ADAMTS5: variants seen among roughly 807,000 people sequenced by gnomAD.
ADAMTS5 encodes ADAM metallopeptidase with thrombospondin type 1 motif 5, also known as A disintegrin and metalloproteinase with thrombospondin motifs 5.
In ADAMTS5, 54 loss-of-function variants were observed where a neutral mutation model predicts 81.4. The ratio of observed to expected loss-of-function variants is 0.66; its 90% CI spans 0.53 to 0.83. The LOEUF (loss-of-function observed/expected upper bound fraction) is 0.83. Among genes scored for constraint, ADAMTS5 ranks in the 40% least tolerant of loss-of-function variants. The probability of loss-of-function intolerance (pLI) is 0.00; values close to 1 mark genes in which losing one functional copy is unlikely to be tolerated. For synonymous variants in ADAMTS5, 532 were observed against 508.8 expected, an observed-to-expected ratio of 1.05 and a Z score of -0.61; for missense variants, 1,194 against 1,229.9, an observed-to-expected ratio of 0.97 and a Z score of 0.44.
chr21:26,954,642 C>G, intron 2 of ADAMTS5, 97 bp downstream of exon 2: 10 of 1,528,116 alleles, frequency 6.5e-6, no homozygotes, highest in Non-Finnish European at 8.8e-6. Context: ...ACATCTGAAC[C>G]AGGAGAAATC....
chr21:26,955,600 A>ATTATGTGTT (rs1987410675), intron 1 of ADAMTS5, among the ~76,000 whole-genome samples: 8 of 152,322 alleles, frequency 5.3e-5, no homozygotes, highest in Non-Finnish European at 8.8e-5. Flanking sequence ...ACATGATTCC[A>ATTATGTGTT]CCCCAATAAT....
chr21:26,959,805 T>G (rs1001330614), intron 1 of ADAMTS5, among the ~76,000 whole-genome samples: 2 of 152,168 alleles, frequency 1.3e-5, no homozygotes, highest in Non-Finnish European at 2.9e-5. Flanking sequence ...TTGTCCTCTA[T>G]TTCTCATTTT....
In ADAMTS5 at chr21:26,965,362, A is replaced by T; in HGVS notation, c.1030T>A (p.Trp344Arg). 6.2e-7 allele frequency: 1 copy of T among 1,614,240 alleles called. No homozygotes were observed. Among genetic ancestry groups the T allele is most frequent in the Admixed American group, 1.7e-5 (1 of 60,028 alleles). The change falls in exon 1 of 8, where the codon TGG becomes AGG. Residue 344 changes from tryptophan to arginine, a missense_variant. Transcript: ENST00000284987. ...CCCAGCTGGTTGTGTTGGTGCTGCC[A>T]CTTGCAAAAGTTCTTGAGTGTGGTG... is the stretch of plus-strand genomic sequence containing the variant. Reference protein sequence around the residue: ...AATTLKNFCKWQHQHNQLGDD... With the variant: ...AATTLKNFCKRQHQHNQLGDD...
chr21:26,934,813 A>G, intron 3 of ADAMTS5, 64 bp from the exon 4 acceptor site: 1 of 1,579,304 alleles, frequency 6.3e-7, no homozygotes, highest in South Asian at 1.2e-5. Context: ...AAAATCATGG[A>G]TCTAAAAATG....
In ADAMTS5 at chr21:26,931,985, A is replaced by G. The variant is rs754525885; in HGVS notation, c.2049+19T>C. 3.8e-6 allele frequency: 6 copies of G among 1,596,498 alleles called. No homozygotes were observed. In the Admixed American group the frequency reaches 1.0e-4, roughly 28 times the overall value. Reference sequence around the variant, plus strand: ...CCACCAGTACGCCTACTGCTTCTGGACAGTTGGTGTGTAGTTACCTTTGGA... The same window carrying G: ...CCACCAGTACGCCTACTGCTTCTGGGCAGTTGGTGTGTAGTTACCTTTGGA... On this transcript the variant is annotated intron_variant, in intron 6 of 7. Transcript: ENST00000284987.
chr21:26,948,189 G>A lies in ADAMTS5; in HGVS notation c.1238-4642C>T, dbSNP rs572050603. 2.0e-5 allele frequency among the ~76,000 whole-genome samples: 3 copies of A among 152,306 alleles called. No individual in the cohort carries two copies. In the South Asian group the frequency reaches 6.2e-4, roughly 32 times the overall value. On this transcript the variant is annotated intron_variant, in intron 2 of 7. Coordinates refer to ENST00000284987, the MANE Select transcript of ADAMTS5 (RefSeq NM_007038.5). Reference sequence around the variant, plus strand: ...AAGACACATCACTTTAAAGGAAACTGTTGGTTCAGCTTCTTATTCAACCCA... The same window carrying A: ...AAGACACATCACTTTAAAGGAAACTATTGGTTCAGCTTCTTATTCAACCCA...
rs1986931640 is a variant in ADAMTS5 at position 26,932,586 on chromosome 21, G to A, written c.1873+275C>T. On this transcript the variant is annotated intron_variant, in intron 5 of 7. Coordinates refer to ENST00000284987, the MANE Select transcript of ADAMTS5 (RefSeq NM_007038.5). ...TGTGGTGGTGTGCACCTGTAATCCC[G>A]GCTACTCAGGAAGCTGAGGCAGGAG... 5.9e-5 allele frequency among the ~76,000 whole-genome samples: 9 copies of A among 151,964 alleles called. No individual in the cohort carries two copies. In the South Asian group the frequency reaches 1.7e-3, roughly 28 times the overall value.
At chr21:26,953,834 C>G (rs949492901) in intron 2 of ADAMTS5, 2 of 153,452 alleles carry the variant, frequency 1.3e-5, no homozygotes, top group African/African-American at 4.8e-5. Context: ...CAATATATTC[C>G]CCAAAATAAT....
intron 1 of ADAMTS5, among the ~76,000 whole-genome samples, chr21:26,956,004 T>C (rs1474580217): frequency 6.6e-6 from 1 of 152,198 alleles, no homozygotes; most frequent in Non-Finnish European, 1.5e-5. Context: ...GCTTATATAG[T>C]AGGAACTCAG....
In ADAMTS5 at chr21:26,918,843, G is replaced by GGAATGCTGAGGACTTAGT. The variant is rs1256293523; in HGVS notation, c.*5192_*5209dup. The GGAATGCTGAGGACTTAGT allele has an allele frequency of 1.3e-5, 2 of 151,148 alleles. No homozygotes were observed. Among genetic ancestry groups the GGAATGCTGAGGACTTAGT allele is most frequent in the Admixed American group, 6.6e-5 (1 of 15,144 alleles). 9.4% of individuals were successfully genotyped at this position (151,148 alleles called of 1,614,324 possible). On this transcript the variant is annotated 3_prime_UTR_variant, in exon 8 of 8. Transcript: ENST00000284987. The stretch of plus-strand genomic sequence containing the variant: ...GCCAAATATACACGACAGTTTGAAT[G>GGAATGCTGAGGACTTAGT]GAATGCTGAGGACTTAGTGAATGCT...
intron 3 of ADAMTS5, 35 bp downstream of exon 3, chr21:26,943,345 G>C (rs775003146): frequency 7.6e-6 from 12 of 1,573,070 alleles, no homozygotes; most frequent in Non-Finnish European, 1.0e-5. Context: ...CCCAAATTTT[G>C]TTTCTCAGTC....
chr21:26,925,214 G>C (rs2061252097), intron 7 of ADAMTS5, among the ~76,000 whole-genome samples: 1 of 152,124 alleles, frequency 6.6e-6, no homozygotes, highest in African/African-American at 2.4e-5. Context: ...TGGGAACACA[G>C]AATTAATTAG....
intron 2 of ADAMTS5, among the ~76,000 whole-genome samples, chr21:26,951,472 A>T (rs1403680529): frequency 6.6e-6 from 1 of 151,950 alleles, no homozygotes; most frequent in Non-Finnish European, 1.5e-5. Flanking sequence ...AAAGTCACAA[A>T]TGTCTAGTAA....
Position 26,921,455 on chromosome 21 carries a change from T to C in ADAMTS5, c.*2598A>G, listed in dbSNP as rs545864734. On this transcript the variant is annotated 3_prime_UTR_variant, in exon 8 of 8. Transcript: ENST00000284987. ...CATTTTCAGACGAATTCTTTTTTTT[T>C]TTTTTTTTTAAAGAAGTAGCCCCTA... 1.4e-4 allele frequency: 21 copies of C among 151,720 alleles called. No individual in the cohort carries two copies. In the East Asian group the frequency reaches 4.1e-3, roughly 29 times the overall value. 9.4% of individuals were successfully genotyped at this position (151,720 alleles called of 1,614,324 possible).
At chr21:26,961,334 A>G (rs1213309736) in intron 1 of ADAMTS5, among the ~76,000 whole-genome samples, 1 of 152,248 alleles carries the variant, frequency 6.6e-6, no homozygotes, top group African/African-American at 2.4e-5. Context: ...AATCCAATCT[A>G]TCCATCCTTT....
intron 2 of ADAMTS5, among the ~76,000 whole-genome samples, chr21:26,945,468 C>T (rs1987197843): frequency 6.6e-6 from 1 of 152,124 alleles, no homozygotes; most frequent in African/African-American, 2.4e-5. Context: ...GCCTTTTCCT[C>T]CAAATCTATA....
intron 3 of ADAMTS5, among the ~76,000 whole-genome samples, chr21:26,936,289 T>C (rs1265696281): frequency 6.6e-6 from 1 of 152,198 alleles, no homozygotes; most frequent in Non-Finnish European, 1.5e-5. Flanking sequence ...CCTAATTTAT[T>C]TTCAAGATCT....
At chr21:26,940,203 G>A (rs1987087508) in intron 3 of ADAMTS5, among the ~76,000 whole-genome samples, 10 of 152,118 alleles carry the variant, frequency 6.6e-5, no homozygotes, top group Admixed American at 6.5e-4. Context: ...AGGGGGTGGG[G>A]TAAGATATTA....
chr21:26,948,018 C>T (rs1414510677), intron 2 of ADAMTS5, among the ~76,000 whole-genome samples: 1 of 152,100 alleles, frequency 6.6e-6, no homozygotes, highest in Non-Finnish European at 1.5e-5. Flanking sequence ...TATGAAAATT[C>T]TCTTTTTCAA....
Sources: gnomAD v4.1 joint callset for allele counts (sites outside exome capture counted in the v4.1 genomes callset) on GRCh38, gnomAD v4.1.1 for gene constraint, MANE v1.5 for transcripts, NCBI Gene and HGNC (gene_info 2026-07-23, HGNC 2026-07-21) for gene names.